Variants in MCF2L observed in about 807,000 individuals in gnomAD.
MCF2L encodes guanine nucleotide exchange factor DBS.
Under a neutral mutation model 153.4 loss-of-function variants are expected in MCF2L, and 97 were observed. The observed-to-expected ratio is 0.63, with a 90% CI of 0.54 to 0.75. The LOEUF (loss-of-function observed/expected upper bound fraction) is 0.75. Ranked by LOEUF, MCF2L falls within the 30% of genes least tolerant of loss-of-function variation. MCF2L has a pLI of 0.00. For missense variants in MCF2L, 1,347 were observed against 1,495.2 expected, an observed-to-expected ratio of 0.90 and a Z score of 1.64; for synonymous variants, 659 against 632.2, an observed-to-expected ratio of 1.04 and a Z score of -0.64.
intron 2 of MCF2L, among the ~76,000 whole-genome samples, chr13:112,914,560 C>T (rs1012578722): frequency 2.8e-4 from 43 of 152,232 alleles, no homozygotes; most frequent in African/African-American, 9.6e-4. Flanking sequence ...CTCACACACT[C>T]GCTCTGTGAG....
rs571424352 is a variant in MCF2L at position 113,048,136 on chromosome 13, C to T, written c.369+2775C>T. ...CACAGCAGACCCGTGATTTAGGTGT[C>T]GATCTTCAGCTGCCGAGTGTCCTGT... On this transcript the variant is annotated intron_variant, in intron 4 of 29. Coordinates refer to ENST00000535094, the MANE Select transcript of MCF2L (RefSeq NM_001112732.3). 6.6e-5 allele frequency among the ~76,000 whole-genome samples: 10 copies of T among 152,354 alleles called. No homozygotes were observed. The South Asian group carries it at 1.9e-3, about 28-fold the overall frequency.
intron 13 of MCF2L, among the ~76,000 whole-genome samples, chr13:113,077,723 A>G (rs2033651045): frequency 6.6e-6 from 1 of 152,014 alleles, no homozygotes; most frequent in Non-Finnish European, 1.5e-5. Context: ...CCCGCCCTCT[A>G]TGCCGAGCCA....
In MCF2L at chr13:113,012,423, A is replaced by G. The variant is rs113959001; in HGVS notation, c.80-2340A>G. Among the ~76,000 whole-genome samples the G allele has an allele frequency of 3.0e-4, 24 of 78,914 alleles. 1 individual carries two copies. The highest frequency in any genetic ancestry group is 7.1e-4 in the South Asian group (1 of 1,416). The allele number at this position is 78,914 out of a possible 152,430, so 51.8% of individuals were successfully genotyped here. ...ACTGTGATGCGGACGGTGGACAGGCAGTGTGGACGGTGGACACTGCAGTGC... is the reference window on the plus strand; with the variant it reads ...ACTGTGATGCGGACGGTGGACAGGCGGTGTGGACGGTGGACACTGCAGTGC... On this transcript the variant is annotated intron_variant, in intron 1 of 29. Coordinates refer to ENST00000535094, the MANE Select transcript of MCF2L (RefSeq NM_001112732.3).
chr13:113,063,590 A>T (rs1336129759), intron 5 of MCF2L, among the ~76,000 whole-genome samples: 4 of 152,160 alleles, frequency 2.6e-5, no homozygotes, highest in Admixed American at 1.3e-4. Flanking sequence ...AAGCAGTCAG[A>T]CGGGACCACA....
Position 112,904,861 on chromosome 13 carries a change from G to C in MCF2L, c.169+2490G>C, listed in dbSNP as rs1215166781. ...TAGCCCAGCTGGCTGGAGACAGTTG[G>C]TGGTGATGAAACCTGTTTGTATCAG... On this transcript the variant is annotated intron_variant, in intron 2 of 29. Coordinates refer to the MCF2L transcript ENST00000375608. The surrounding 1 kb of genome is among the most constrained non-coding windows in gnomAD (Gnocchi z 4.2). Among the ~76,000 whole-genome samples, 1 of 152,252 alleles carries C rather than the reference G, an allele frequency of 6.6e-6. No homozygotes were observed. Among genetic ancestry groups the C allele is most frequent in the Non-Finnish European group, 1.5e-5 (1 of 68,044 alleles).
At chr13:112,969,172 C>T, upstream of MCF2L, 2 of 607,120 alleles carry the variant, frequency 3.3e-6, no homozygotes, top group Non-Finnish European at 4.4e-6. The surrounding 1 kb of genome is among the most constrained non-coding windows in gnomAD (Gnocchi z 4.8). Flanking sequence ...CCGAGCCGCC[C>T]CCCGCCCCCC....
Position 112,951,106 on chromosome 13 carries a change from G to A in MCF2L, c.169+48735G>A, listed in dbSNP as rs781363658. Among the ~76,000 whole-genome samples the A allele has an allele frequency of 2.0e-5, 3 of 152,180 alleles. No homozygotes were observed. Among genetic ancestry groups the A allele is most frequent in the East Asian group, 1.9e-4 (1 of 5,202 alleles). On this transcript the variant is annotated intron_variant, in intron 2 of 29. Transcript: ENST00000375608. This position sits in a 1 kb window ranked among gnomAD's most constrained non-coding sequence, Gnocchi z 4.8. The stretch of plus-strand genomic sequence containing the variant: ...CCACAGTGAGGGCAGAAGAGCACAC[G>A]GAAAGGTGTCAGTCAATAGTAGCCA...
At chr13:112,899,583 G>C (rs1449591872) in intron 1 of MCF2L, among the ~76,000 whole-genome samples, 1 of 152,208 alleles carries the variant, frequency 6.6e-6, no homozygotes, top group Non-Finnish European at 1.5e-5. Context: ...CCACGTGAGA[G>C]CTGTTGTTCG....
intron 4 of MCF2L, among the ~76,000 whole-genome samples, chr13:113,049,982 C>T (rs2087103548): frequency 1.3e-5 from 2 of 152,112 alleles, no homozygotes; most frequent in African/African-American, 2.4e-5. Context: ...ATGCTGAGGG[C>T]GTGTGGGAGA....
chr13:112,895,811 C>G (rs533137757), intron 1 of MCF2L, among the ~76,000 whole-genome samples: 4 of 152,256 alleles, frequency 2.6e-5, no homozygotes, highest in African/African-American at 9.6e-5. Context: ...CCAACTTCAC[C>G]GGGCTGTGCA....
chr13:113,027,906 C>T lies in MCF2L; in HGVS notation c.278+3148C>T, dbSNP rs113256539. Among the ~76,000 whole-genome samples, 433 of 152,268 alleles carry T rather than the reference C, an allele frequency of 2.8e-3. 3 individuals carry two copies. Among genetic ancestry groups the T allele is most frequent in the African/African-American group, 0.01 (418 of 41,556 alleles). Reference sequence around the variant, plus strand: ...GGCCAGAGGGGTGTCCTGGGGAGGGCGGTCATCTCCAAGCCTCCAGGCCTT... The same window carrying T: ...GGCCAGAGGGGTGTCCTGGGGAGGGTGGTCATCTCCAAGCCTCCAGGCCTT... On this transcript the variant is annotated intron_variant, in intron 3 of 29. Coordinates refer to ENST00000535094, the MANE Select transcript of MCF2L (RefSeq NM_001112732.3). This position sits in a 1 kb window ranked among gnomAD's most constrained non-coding sequence, Gnocchi z 4.8.
chr13:113,063,766 G>C (rs936876370), intron 5 of MCF2L: 4 of 443,590 alleles, frequency 9.0e-6, no homozygotes, highest in Non-Finnish European at 1.8e-5. Flanking sequence ...TCCTTTCTAC[G>C]GCTGAGTTCA....
chr13:113,057,380 ACTGAGTGTTTGGGTG>A (rs911876039), intron 4 of MCF2L, among the ~76,000 whole-genome samples: 1 of 98,568 alleles, frequency 1.0e-5, no homozygotes, highest in East Asian at 3.5e-4. Context: ...CTGTTTGGGC[ACTGAGTGTTTGGGTG>A]CTGAGTGTTT....
At chr13:113,047,007 A>AG (rs2086858826) in intron 4 of MCF2L, 1 of 158,122 alleles carries the variant, frequency 6.3e-6, no homozygotes, top group Non-Finnish European at 1.4e-5. Context: ...TCAGCTTCTG[A>AG]GGGGGCCTCA....
intron 2 of MCF2L, among the ~76,000 whole-genome samples, chr13:112,923,654 G>A (rs906802282): frequency 6.6e-6 from 1 of 152,008 alleles, no homozygotes; most frequent in African/African-American, 2.4e-5. Flanking sequence ...ACTTTGAATG[G>A]CAAAACCCAC....
intron 2 of MCF2L, among the ~76,000 whole-genome samples, chr13:113,020,650 GC>G (rs1358671832): frequency 2.6e-5 from 4 of 152,186 alleles, no homozygotes; most frequent in Non-Finnish European, 4.4e-5. Context: ...ATTCACGGGA[GC>G]CCCACTCCCA....
At chr13:112,952,260 G>A (rs2081702361) in intron 2 of MCF2L, among the ~76,000 whole-genome samples, 1 of 152,178 alleles carries the variant, frequency 6.6e-6, no homozygotes, top group Non-Finnish European at 1.5e-5. Context: ...GCTCCCTCCT[G>A]CTCTCTGTGA....
rs1345426809 is a variant in MCF2L at position 112,920,657 on chromosome 13, G to C, written c.169+18286G>C. Among the ~76,000 whole-genome samples, 3 of 150,980 alleles carry C rather than the reference G, an allele frequency of 2.0e-5. No homozygotes were observed. In the South Asian group the frequency reaches 6.3e-4, roughly 32 times the overall value. ...CAACAGTAATCCAGTCAGGTTGTGG[G>C]TGGGTGCCAGGGGGAGGGCTTGCAG... is the stretch of plus-strand genomic sequence containing the variant. On this transcript the variant is annotated intron_variant, in intron 2 of 29. Transcript: ENST00000375608.
At chr13:112,970,495 C>A (rs577898750) in intron 1 of MCF2L, among the ~76,000 whole-genome samples, 1 of 152,296 alleles carries the variant, frequency 6.6e-6, no homozygotes, top group East Asian at 1.9e-4. Flanking sequence ...TTCATGCCGT[C>A]TGCTCCCTGA....
Sources: allele counts gnomAD v4.1 joint callset (sites outside exome capture counted in the v4.1 genomes callset), GRCh38; gene constraint gnomAD v4.1.1; non-coding constraint Gnocchi (gnomAD v3.1); transcripts MANE v1.5; gene names NCBI Gene and HGNC (gene_info 2026-07-23, HGNC 2026-07-21).